The following KARS1 variants were observed in gnomAD, a reference collection of about 807,000 sequenced individuals.
KARS1 encodes the protein lysyl-tRNA synthetase 1.
KARS1 carries 50 observed loss-of-function variants against 63.9 expected under a neutral mutation model. The ratio of observed to expected loss-of-function variants is 0.78; its 90% CI spans 0.62 to 0.99. The LOEUF (loss-of-function observed/expected upper bound fraction) is 0.99. KARS1 is among the 50% of genes least tolerant of loss of function. The pLI, the probability that KARS1 is intolerant of heterozygous loss-of-function variation, is 0.00. For missense variants in KARS1, 816 were observed against 754.5 expected (o/e 1.08, Z -0.95); for synonymous variants, 320 against 264.6 (o/e 1.21, Z -2.03).
At chr16:75,642,030 T>G (rs1424103691) in intron 1 of KARS1, among the ~76,000 whole-genome samples, 1 of 151,924 alleles carries the variant, frequency 6.6e-6, no homozygotes, top group Non-Finnish European at 1.5e-5. Flanking sequence ...ACAAAGAAAA[T>G]CCTATGCATT....
In KARS1 at chr16:75,635,707, A is replaced by T. The variant is rs755237015; in HGVS notation, c.768T>A (p.Ser256Arg). 5.0e-6 allele frequency: 8 copies of T among 1,614,104 alleles called. No homozygotes were observed. The East Asian group carries it at 1.8e-4, about 36-fold the overall frequency. ...IRSKIITYIR[S>R]FLDELGFLEI... is the part of the protein sequence containing the mutation. Reference sequence around the variant, plus strand: ...CTAGGAATCCCAGCTCATCTAAGAAACTTCTTATATATGTGATGATCTTAG... The same window carrying T: ...CTAGGAATCCCAGCTCATCTAAGAATCTTCTTATATATGTGATGATCTTAG... The change falls in exon 6 of 14, where the codon AGT becomes AGA. Residue 256 changes from serine (S) to arginine (R), a missense_variant. Physicochemically the swap from Ser to Arg is moderately radical, Grantham distance 110 (BLOSUM62 -1). Transcript: ENST00000302445.
intron 1 of KARS1, 83 bp from the exon 2 acceptor site, chr16:75,641,806 T>A: frequency 2.1e-6 from 3 of 1,439,938 alleles, no homozygotes; most frequent in Non-Finnish European, 2.9e-6. Context: ...ATCAAAAACA[T>A]GAATCGCCCA....
At position 75,641,488 on chromosome 16, in the gene KARS1, A is replaced by G. The variant is rs2082222870; in HGVS notation, c.222+76T>C. 52 of 1,313,396 alleles carry G rather than the reference A, an allele frequency of 4.0e-5. 1 individual carries two copies. The South Asian group carries it at 6.4e-4, about 16-fold the overall frequency. 81.4% of individuals were successfully genotyped at this position (1,313,396 alleles called of 1,614,324 possible). A position where few individuals can be genotyped will look rare whatever the true frequency, so the allele number is the denominator to read the frequency against. ...GGCGTACTGGTCCCTCCTACTGTCCAGTCCCAAAGAATCTGCCAGAAGCCT... is the reference window on the plus strand; with the variant it reads ...GGCGTACTGGTCCCTCCTACTGTCCGGTCCCAAAGAATCTGCCAGAAGCCT... On this transcript the variant is annotated intron_variant, in intron 2 of 13. Coordinates refer to ENST00000302445, the MANE Select transcript of KARS1 (RefSeq NM_005548.3).
intron 2 of KARS1, 62 bp from the exon 3 acceptor site, chr16:75,640,411 C>T: frequency 6.5e-7 from 1 of 1,539,508 alleles, no homozygotes; most frequent in Non-Finnish European, 9.0e-7. Flanking sequence ...CAGTGGGGCC[C>T]ACCTAGCAGA....
At chr16:75,640,088 T>C in intron 3 of KARS1, 96 bp downstream of exon 3, 11 of 1,020,918 alleles carry the variant, frequency 1.1e-5, no homozygotes, top group Non-Finnish European at 1.7e-5. Flanking sequence ...CACAGGCTAC[T>C]TGAGAACAAG....
At chr16:75,633,424 T>C (rs956539709) in intron 7 of KARS1, among the ~76,000 whole-genome samples, 2 of 152,238 alleles carry the variant, frequency 1.3e-5, no homozygotes, top group Admixed American at 6.5e-5. Context: ...GTTATAACAG[T>C]TTCTGTTGTC....
At chr16:75,634,507 C>A (rs1597168025) in intron 6 of KARS1, among the ~76,000 whole-genome samples, 1 of 152,296 alleles carries the variant, frequency 6.6e-6, no homozygotes, top group South Asian at 2.1e-4. Context: ...TAATATAGTA[C>A]CACGAACTTT....
chr16:75,644,360 ACCC>A, intron 1 of KARS1: 1 of 1,611,778 alleles, frequency 6.2e-7, no homozygotes, highest in Non-Finnish European at 8.5e-7. Context: ...GTTCCCTGTG[ACCC>A]CACTCTGCCC....
intron 9 of KARS1, 47 bp from the exon 10 acceptor site, chr16:75,631,300 A>G: frequency 1.3e-6 from 2 of 1,587,900 alleles, no homozygotes; most frequent in Non-Finnish European, 1.7e-6. Context: ...CACACTAGCC[A>G]AGTAAAAATG....
chr16:75,632,551 A>AG (rs1335516059), intron 7 of KARS1, among the ~76,000 whole-genome samples: 96 of 152,304 alleles, frequency 6.3e-4, no homozygotes, highest in African/African-American at 2.2e-3. Context: ...ATTCTGGTGA[A>AG]GGGGGCCAGT....
chr16:75,631,625 T>A, intron 8 of KARS1, 36 bp from the exon 9 acceptor site: 1 of 1,613,924 alleles, frequency 6.2e-7, no homozygotes, highest in Non-Finnish European at 8.5e-7. Context: ...GGGAATGAAA[T>A]CCAGGCAGCC....
intron 1 of KARS1, among the ~76,000 whole-genome samples, chr16:75,642,455 G>A (rs2151811020): frequency 6.6e-6 from 1 of 152,068 alleles, no homozygotes; most frequent in Non-Finnish European, 1.5e-5. Flanking sequence ...GCCCACCTTG[G>A]CCTCCCAAAG....
At chr16:75,641,870 G>A (rs1191017106) in intron 1 of KARS1, 147 bp from the exon 2 acceptor site, 2 of 767,682 alleles carry the variant, frequency 2.6e-6, no homozygotes, top group African/African-American at 1.7e-5. Context: ...CCACAGCTCA[G>A]CTCAAGTAGC....
At chr16:75,632,285 T>C (rs1325600286) in intron 7 of KARS1, among the ~76,000 whole-genome samples, 1 of 152,238 alleles carries the variant, frequency 6.6e-6, no homozygotes, top group African/African-American at 2.4e-5. Flanking sequence ...CTCAGGTCTC[T>C]GGTCAAATTG....
intron 3 of KARS1, among the ~76,000 whole-genome samples, chr16:75,639,559 G>A (rs1471274330): frequency 3.4e-5 from 4 of 118,908 alleles, no homozygotes; most frequent in African/African-American, 1.4e-4. Flanking sequence ...GAGACAGAGT[G>A]AGACTATATC....
At chr16:75,639,495 C>G (rs1274716585) in intron 3 of KARS1, among the ~76,000 whole-genome samples, 3 of 143,128 alleles carry the variant, frequency 2.1e-5, no homozygotes, top group Admixed American at 1.4e-4. Context: ...TTGCTTGAAC[C>G]TGGGGGGCAG....
At chr16:75,640,131 C>T (rs2082206781) in intron 3 of KARS1, 53 bp downstream of exon 3, 4 of 1,515,980 alleles carry the variant, frequency 2.6e-6, no homozygotes, top group Non-Finnish European at 3.7e-6. Context: ...GCTACTGAAG[C>T]CGCAGGCCTA....
chr16:75,636,933 C>T (rs1056076964), intron 3 of KARS1, among the ~76,000 whole-genome samples: 1 of 149,018 alleles, frequency 6.7e-6, no homozygotes, highest in Non-Finnish European at 1.5e-5. Context: ...AGCCCCCACA[C>T]CCGGCCTGCA....
In KARS1 at chr16:75,636,554, AAAG is replaced by A. The variant is rs750021514; in HGVS notation, c.389-10_389-8del. On this transcript the variant is annotated splice_polypyrimidine_tract_variant and splice_region_variant and intron_variant, in intron 3 of 13. Transcript: ENST00000302445. ...CTTTTGGCATGGATCCTACCTAGAA[AAAG>A]AAGAGCAAAAATACTGACTGACAGA... The A allele has an allele frequency of 1.3e-6, 2 of 1,549,838 alleles. No individual in the cohort carries two copies. The highest frequency in any genetic ancestry group is 2.2e-5 in the South Asian group (2 of 89,694).
Sources: allele counts gnomAD v4.1 joint callset (sites outside exome capture counted in the v4.1 genomes callset), GRCh38; gene constraint gnomAD v4.1.1; transcripts MANE v1.5; gene names NCBI Gene and HGNC (gene_info 2026-07-23, HGNC 2026-07-21).